GFOD1: variants seen among roughly 807,000 people sequenced by gnomAD.
GFOD1 encodes Gfo/Idh/MocA-like oxidoreductase domain containing 1.
A neutral mutation model predicts 25.4 loss-of-function variants in GFOD1; 9 were observed. The ratio of observed to expected loss-of-function variants is 0.35; its 90% CI spans 0.21 to 0.62. GFOD1 has a LOEUF of 0.62. Ranked by LOEUF, GFOD1 falls within the 20% of genes least tolerant of loss-of-function variation. The pLI, the probability that GFOD1 is intolerant of heterozygous loss-of-function variation, is 0.72. For synonymous variants in GFOD1, 253 were observed against 245.6 expected (o/e 1.03, Z -0.28); for missense variants, 403 against 556.9 (o/e 0.72, Z 2.78).
At chr6:13,477,216 GGTGT>G (rs60649261) in intron 1 of GFOD1, among the ~76,000 whole-genome samples, 5 of 140,768 alleles carry the variant, frequency 3.6e-5, no homozygotes, top group African/African-American at 1.1e-4. Flanking sequence ...ACCAATAGGG[GGTGT>G]GTGTGTGTGT....
rs555592762 is a variant in GFOD1, at chr6:13,473,305, T to A, written c.253+13333A>T. On this transcript the variant is annotated intron_variant, in intron 1 of 1. Transcript: ENST00000379287. The stretch of plus-strand genomic sequence containing the variant: ...CAGGGGCTGGGCACCCTTCAAGGCA[T>A]CCTCTCAACAGCTGACTCTGTTTAC... Among the ~76,000 whole-genome samples the A allele has an allele frequency of 1.2e-4, 18 of 152,310 alleles. No individual in the cohort carries two copies. The South Asian group carries it at 3.7e-3, about 32-fold the overall frequency.
chr6:13,411,359 C>A (rs1417260727), intron 1 of GFOD1, among the ~76,000 whole-genome samples: 1 of 152,088 alleles, frequency 6.6e-6, no homozygotes, highest in African/African-American at 2.4e-5. Flanking sequence ...TGGCGCGATA[C>A]CGGCTCACAG....
chr6:13,405,744 G>A (rs1785933249), intron 1 of GFOD1, among the ~76,000 whole-genome samples: 1 of 152,224 alleles, frequency 6.6e-6, no homozygotes, highest in Non-Finnish European at 1.5e-5. Context: ...TACAGGAGGA[G>A]GGGAGGACAT....
chr6:13,455,098 C>T (rs1358082037), intron 1 of GFOD1, among the ~76,000 whole-genome samples: 1 of 151,722 alleles, frequency 6.6e-6, no homozygotes, highest in Non-Finnish European at 1.5e-5. Context: ...GCCTGACACA[C>T]CAGGGCTCTA....
intron 1 of GFOD1, among the ~76,000 whole-genome samples, chr6:13,431,898 C>CTG (rs1228489765): frequency 6.6e-6 from 1 of 152,224 alleles, no homozygotes; most frequent in Non-Finnish European, 1.5e-5. Flanking sequence ...TGTTCAGAGC[C>CTG]TGTGCCTCTA....
chr6:13,473,175 C>G (rs1758544423), intron 1 of GFOD1, among the ~76,000 whole-genome samples: 1 of 152,188 alleles, frequency 6.6e-6, no homozygotes, highest in Admixed American at 6.5e-5. Flanking sequence ...CCTTGCTCAT[C>G]TAGTAAATTA....
intron 1 of GFOD1, among the ~76,000 whole-genome samples, chr6:13,439,590 G>A (rs1183906704): frequency 6.6e-6 from 1 of 152,218 alleles, no homozygotes; most frequent in Admixed American, 6.5e-5. Flanking sequence ...AGTTCAAGAA[G>A]CTGAGCTGGG....
chr6:13,382,497 T>C (rs1785387589), intron 1 of GFOD1, among the ~76,000 whole-genome samples: 1 of 152,164 alleles, frequency 6.6e-6, no homozygotes, highest in Non-Finnish European at 1.5e-5. Context: ...CCTTCCACCG[T>C]GATTGTGAGG....
rs1366712753 is a variant in GFOD1 at position 13,474,452 on chromosome 6, G to T, written c.253+12186C>A. Among the ~76,000 whole-genome samples, 3 of 152,238 alleles carry T rather than the reference G, an allele frequency of 2.0e-5. No individual in the cohort carries two copies. In the East Asian group the frequency reaches 5.8e-4, roughly 29 times the overall value. On this transcript the variant is annotated intron_variant, in intron 1 of 1. Coordinates refer to ENST00000379287, the MANE Select transcript of GFOD1 (RefSeq NM_018988.4). ...TTTGCCTTAGTGCCTTTTGTAGACT[G>T]GCACTGGGAAGCTTACCCAGGTGAT... is the stretch of plus-strand genomic sequence containing the variant.
At chr6:13,471,091 C>A (rs748199331) in intron 1 of GFOD1, among the ~76,000 whole-genome samples, 3 of 152,146 alleles carry the variant, frequency 2.0e-5, no homozygotes, top group African/African-American at 7.2e-5. Flanking sequence ...GGAATAAAGT[C>A]GGAAACCCCA....
At chr6:13,450,035 A>T (rs1483347023) in intron 1 of GFOD1, among the ~76,000 whole-genome samples, 2 of 152,194 alleles carry the variant, frequency 1.3e-5, no homozygotes, top group African/African-American at 4.8e-5. Context: ...CTTTCCGAAG[A>T]ACGCTGCCAG....
At position 13,364,945 on chromosome 6, in the gene GFOD1, C is replaced by T. The variant is rs1188656051; in HGVS notation, c.971G>A (p.Arg324His). ...GGTGAGGGGCCGCCCATCCCACGTGCGCCGGTCGTCCTGGTCCTGGAAGGC... is the reference window on the plus strand; with the variant it reads ...GGTGAGGGGCCGCCCATCCCACGTGTGCCGGTCGTCCTGGTCCTGGAAGGC... Reference protein sequence around the residue: ...RQAFQDQDDRRTWDGRPLTMA... With the variant: ...RQAFQDQDDRHTWDGRPLTMA... Residue 324 changes from arginine to histidine, a missense_variant, in exon 2 of 2, where the codon CGC (arginine) becomes CAC (histidine). Transcript: ENST00000379287. The surrounding 1 kb of genome is among the most constrained non-coding windows in gnomAD (Gnocchi z 4.1). 2.5e-6 allele frequency: 4 copies of T among 1,611,072 alleles called. No homozygotes were observed. Among genetic ancestry groups the T allele is most frequent in the Non-Finnish European group, 3.4e-6 (4 of 1,179,886 alleles).
intron 1 of GFOD1, among the ~76,000 whole-genome samples, chr6:13,375,121 T>C (rs1785232596): frequency 6.6e-6 from 1 of 152,160 alleles, no homozygotes; most frequent in South Asian, 2.1e-4. Flanking sequence ...AAATATACAA[T>C]AAATTGTTGC....
At chr6:13,464,042 T>C (rs766404737) in intron 1 of GFOD1, among the ~76,000 whole-genome samples, 10 of 152,206 alleles carry the variant, frequency 6.6e-5, no homozygotes, top group Non-Finnish European at 1.3e-4. Context: ...GTTCTCCCTG[T>C]AAGTCAGGGT....
intron 1 of GFOD1, among the ~76,000 whole-genome samples, chr6:13,481,555 C>T (rs1334937379): frequency 1.0e-5 from 1 of 99,808 alleles, no homozygotes; most frequent in South Asian, 4.0e-4. Flanking sequence ...GAGAGTGATA[C>T]CTTACACACA....
Position 13,365,028 on chromosome 6 carries a change from G to C in GFOD1, c.888C>G (p.Ser296Arg). The stretch of plus-strand genomic sequence containing the variant: ...CGCGCAGGTAGGGCGAGGGGATGTC[G>C]CTGAAGGCCTTCTCCGGAAGCAGGG... ...SNSLLPEKAF[S>R]DIPSPYLRGT... Residue 296 changes from serine (S) to arginine (R), a missense_variant, in exon 2 of 2, where the codon AGC becomes AGG. Coordinates refer to ENST00000379287, the MANE Select transcript of GFOD1 (RefSeq NM_018988.4). This position sits in a 1 kb window ranked among gnomAD's most constrained non-coding sequence, Gnocchi z 9.2. 1 of 1,610,280 alleles carries C rather than the reference G, an allele frequency of 6.2e-7. No individual in the cohort carries two copies. The highest frequency in any genetic ancestry group is 8.5e-7 in the Non-Finnish European group (1 of 1,179,916).
rs1554198827 is a variant in GFOD1, at chr6:13,365,921, A to AATG, written c.254-262_254-260dup. On this transcript the variant is annotated intron_variant, in intron 1 of 1. Transcript: ENST00000379287. This position sits in a 1 kb window ranked among gnomAD's most constrained non-coding sequence, Gnocchi z 9.2. ...TAATAATAATAATAATAATAATAAT[A>AATG]ATGAGCCGGGCGTGGTGGTGCACGC... Among the ~76,000 whole-genome samples, 62 of 125,914 alleles carry AATG rather than the reference A, an allele frequency of 4.9e-4. No individual in the cohort carries two copies. The highest frequency in any genetic ancestry group is 1.7e-3 in the African/African-American group (60 of 36,316). The allele number at this position is 125,914 out of a possible 152,430, so 82.6% of individuals were successfully genotyped here.
chr6:13,461,270 G>A (rs749152780), intron 1 of GFOD1, among the ~76,000 whole-genome samples: 7 of 152,186 alleles, frequency 4.6e-5, no homozygotes, highest in African/African-American at 2.4e-5. Flanking sequence ...CTGCTCTCTT[G>A]ATCAGGAGCA....
At chr6:13,398,736 C>G (rs780646963) in intron 1 of GFOD1, among the ~76,000 whole-genome samples, 3 of 152,166 alleles carry the variant, frequency 2.0e-5, no homozygotes, top group African/African-American at 7.2e-5. Flanking sequence ...CTCAGCCTCC[C>G]GGGCTTCTCA....
Sources: gnomAD v4.1 joint callset for allele counts (sites outside exome capture counted in the v4.1 genomes callset) on GRCh38, gnomAD v4.1.1 for gene constraint, Gnocchi (gnomAD v3.1) non-coding constraint, MANE v1.5 for transcripts, NCBI Gene and HGNC (gene_info 2026-07-23, HGNC 2026-07-21) for gene names.